Variants in CLCA4 observed in about 807,000 individuals in gnomAD.
The protein encoded by CLCA4 is chloride channel accessory 4.
CLCA4 carries 69 observed loss-of-function variants against 78.9 expected under a neutral mutation model. The ratio of observed to expected loss-of-function variants is 0.87; its 90% CI spans 0.72 to 1.07. The LOEUF (loss-of-function observed/expected upper bound fraction) is 1.07. CLCA4 is among the 50% of genes least tolerant of loss of function. The pLI is 0.00. For missense variants in CLCA4, 1,133 were observed against 1,095.8 expected (o/e 1.03, Z -0.48); for synonymous variants, 362 against 375.8 (o/e 0.96, Z 0.42).
intron 7 of CLCA4, among the ~76,000 whole-genome samples, chr1:86,570,854 G>A (rs901298960): frequency 9.2e-5 from 14 of 152,116 alleles, no homozygotes; most frequent in African/African-American, 2.9e-4. Context: ...TGGTCCCACC[G>A]AATTCCTTTA....
Position 86,565,452 on chromosome 1 carries a change from G to GCA in CLCA4, c.735+1_735+2insCA, listed in dbSNP as rs1553193847. 31 of 1,568,030 alleles carry GCA rather than the reference G, an allele frequency of 2.0e-5. 1 individual carries two copies. The highest frequency in any genetic ancestry group is 2.5e-5 in the Non-Finnish European group (29 of 1,155,286). Reference sequence around the variant, plus strand: ...AATGTTTATGCAAAGTATTGATTCTGTAAGTATGCTGATAATTGCTTCCAG... The same window carrying GCA: ...AATGTTTATGCAAAGTATTGATTCTGCATAAGTATGCTGATAATTGCTTCCAG... On this transcript the variant is annotated splice_donor_variant, in intron 5 of 13. Transcript: ENST00000370563. LOFTEE classifies it high-confidence loss of function.
intron 3 of CLCA4, among the ~76,000 whole-genome samples, chr1:86,561,457 C>A (rs1650016690): frequency 6.6e-6 from 1 of 152,176 alleles, no homozygotes; most frequent in African/African-American, 2.4e-5. Context: ...AACTAAGTGA[C>A]ATGATTATAA....
At chr1:86,567,351 A>G in intron 6 of CLCA4, 73 bp from the exon 7 acceptor site, 1 of 1,235,940 alleles carries the variant, frequency 8.1e-7, no homozygotes, top group East Asian at 2.4e-5. Context: ...AATTCTGTCC[A>G]TTCATTTTAT....
Position 86,571,120 on chromosome 1 carries a change from T to C in CLCA4, c.1226T>C (p.Leu409Pro). The C allele has an allele frequency of 1.2e-6, 2 of 1,612,632 alleles. No individual in the cohort carries two copies. The highest frequency in any genetic ancestry group is 1.7e-6 in the Non-Finnish European group (2 of 1,178,882). Residue 409 changes from leucine to proline, a missense_variant, in exon 8 of 14, where the codon CTG becomes CCG. Coordinates refer to ENST00000370563, the MANE Select transcript of CLCA4 (RefSeq NM_012128.4). ...TCCCAACTCGATGGATCCGAAGTAC[T>C]GCTGCTGACTGATGGGGAGGATAAC... ...LHSQLDGSEV[L>P]LLTDGEDNTA...
At chr1:86,562,572 C>T (rs537400116) in intron 3 of CLCA4, among the ~76,000 whole-genome samples, 3 of 152,008 alleles carry the variant, frequency 2.0e-5, no homozygotes, top group East Asian at 1.9e-4. Context: ...AGAAACATGA[C>T]GGCTGGGCAA....
At position 86,567,642 on chromosome 1, in the gene CLCA4, T is replaced by C; in HGVS notation, c.1173T>C (p.Tyr391=). The C allele has an allele frequency of 1.9e-6, 3 of 1,609,120 alleles. No homozygotes were observed. Among genetic ancestry groups the C allele is most frequent in the Non-Finnish European group, 2.5e-6 (3 of 1,177,506 alleles). Residue 391 remains tyrosine (Y), a synonymous_variant, in exon 7 of 14, where the codon TAT becomes TAC. Coordinates refer to ENST00000370563, the MANE Select transcript of CLCA4 (RefSeq NM_012128.4). ...GGTSICSGIK[Y]AFQVIGELHS... ...CTTCCATCTGCTCTGGAATTAAATA[T>C]GCATTTCAGGTGAAAATCGTACTGC... is the stretch of plus-strand genomic sequence containing the variant.
Position 86,577,954 on chromosome 1 carries a change from T to C in CLCA4, c.2004T>C (p.Tyr668=). The change falls in exon 12 of 14, where the codon TAT becomes TAC. Residue 668 remains tyrosine (Y), a synonymous_variant. Coordinates refer to ENST00000370563, the MANE Select transcript of CLCA4 (RefSeq NM_012128.4). ...TCTACTCCAGGTATTTTACAGCATA[T>C]ACAGAAAATGGCAGATATAGCTTAA... The part of the protein sequence containing the change: ...DGVYSRYFTA[Y]TENGRYSLKV... The C allele has an allele frequency of 6.2e-7, 1 of 1,612,924 alleles. No homozygotes were observed. Among genetic ancestry groups the C allele is most frequent in the Non-Finnish European group, 8.5e-7 (1 of 1,179,344 alleles).
Position 86,567,521 on chromosome 1 carries a change from G to A in CLCA4, c.1052G>A (p.Ser351Asn). Reference protein sequence around the residue: ...GSWVGMVHFDSTATIVNKLIQ... With the variant: ...GSWVGMVHFDNTATIVNKLIQ... ...TGGGTGGGGATGGTTCACTTTGATA[G>A]TACTGCCACTATTGTAAATAAGCTA... is the stretch of plus-strand genomic sequence containing the variant. Residue 351 changes from serine (S) to asparagine (N), a missense_variant, in exon 7 of 14, where the codon AGT becomes AAT. By Grantham distance (46) the Ser-to-Asn change is conservative. Transcript: ENST00000370563. 1 of 1,613,186 alleles carries A rather than the reference G, an allele frequency of 6.2e-7. No individual in the cohort carries two copies. Among genetic ancestry groups the A allele is most frequent in the Non-Finnish European group, 8.5e-7 (1 of 1,179,312 alleles).
Position 86,580,074 on chromosome 1 carries a change from CA to C in CLCA4, c.2490del (p.Glu831LysfsTer18). Reference protein sequence around the residue: ...ANSKESFAFKPENISEENATH... With the variant: ...ANSKESFAFKXENISEENATH... ...TCCAAGGAAAGCTTTGCATTTAAAC[CA>C]GAAAATATCTCAGAAGAAAATGCAA... On this transcript the variant is annotated frameshift_variant, in exon 14 of 14. Coordinates refer to ENST00000370563, the MANE Select transcript of CLCA4 (RefSeq NM_012128.4). LOFTEE classifies it low-confidence loss of function (END_TRUNC). The C allele has an allele frequency of 6.2e-7, 1 of 1,612,942 alleles. No homozygotes were observed.
chr1:86,552,537 G>C (rs1333245275), intron 1 of CLCA4: 5 of 510,276 alleles, frequency 9.8e-6, no homozygotes, highest in African/African-American at 2.0e-5. Context: ...GCTGGGCAGC[G>C]GGCGGCAGGC....
At position 86,566,899 on chromosome 1, in the gene CLCA4, C is replaced by G. The variant is rs145705877; in HGVS notation, c.955-525C>G. On this transcript the variant is annotated intron_variant, in intron 6 of 13. Coordinates refer to ENST00000370563, the MANE Select transcript of CLCA4 (RefSeq NM_012128.4). ...AAAGGGGGCAGTGAGAGGTTAGGAA[C>G]AGAAGGAGAAAGTGGGAAGATAGGG... Among the ~76,000 whole-genome samples the G allele has an allele frequency of 1.5e-3, 226 of 152,060 alleles. 8 individuals carry two copies. The East Asian group carries it at 0.028, about 19-fold the overall frequency.
intron 12 of CLCA4, 67 bp from the exon 13 acceptor site, chr1:86,579,287 T>G (rs1202802921): frequency 1.8e-6 from 2 of 1,142,412 alleles, no homozygotes; most frequent in Non-Finnish European, 2.6e-6. Context: ...GTGAAGAAGG[T>G]GATTCACTGA....
At chr1:86,557,652 G>T (rs6684219) in intron 1 of CLCA4, among the ~76,000 whole-genome samples, 83,248 of 152,028 alleles carry the variant, frequency 0.55, 24,014 homozygotes, top group East Asian at 0.72. Context: ...TGAGTTTAGA[G>T]TATGTGCCAT....
At chr1:86,558,001 G>A (rs775905015) in intron 1 of CLCA4, among the ~76,000 whole-genome samples, 8 of 151,684 alleles carry the variant, frequency 5.3e-5, no homozygotes, top group Non-Finnish European at 1.2e-4. Context: ...TCTGAAATTA[G>A]GATTACAACC....
intron 1 of CLCA4, among the ~76,000 whole-genome samples, chr1:86,548,993 A>G (rs190815015): frequency 1.5e-4 from 23 of 152,322 alleles, no homozygotes; most frequent in Admixed American, 5.9e-4. Flanking sequence ...TGTTTATGAC[A>G]TGCTAAAGAG....
chr1:86,560,094 T>TA (rs747083074), intron 2 of CLCA4, 22 bp downstream of exon 2: 4 of 1,562,930 alleles, frequency 2.6e-6, no homozygotes, highest in Non-Finnish European at 3.4e-6. Context: ...AATATTCTCT[T>TA]AAAAAATTAT....
At chr1:86,577,797 A>T in intron 11 of CLCA4, 105 bp from the exon 12 acceptor site, 1 of 825,730 alleles carries the variant, frequency 1.2e-6, no homozygotes, top group Non-Finnish European at 1.9e-6. Flanking sequence ...CAATCTAAAA[A>T]TATTAAGCCT....
chr1:86,565,602 C>T (rs1650158798), intron 5 of CLCA4, 151 bp downstream of exon 5: 1 of 682,594 alleles, frequency 1.5e-6, no homozygotes, highest in Non-Finnish European at 2.4e-6. Flanking sequence ...TGAACTAGTG[C>T]TATCTAGTGT....
At chr1:86,560,148 C>T in intron 2 of CLCA4, 63 bp from the exon 3 acceptor site, 1 of 1,563,614 alleles carries the variant, frequency 6.4e-7, no homozygotes, top group Middle Eastern at 1.7e-4. Context: ...ATTTAAGAGT[C>T]TTTCTAACTG....
Sources: gnomAD v4.1 joint callset for allele counts (sites outside exome capture counted in the v4.1 genomes callset) on GRCh38, gnomAD v4.1.1 for gene constraint, MANE v1.5 for transcripts, NCBI Gene and HGNC (gene_info 2026-07-23, HGNC 2026-07-21) for gene names.